The following NCOA1 variants were observed in gnomAD, a reference collection of about 807,000 sequenced individuals.
NCOA1 encodes nuclear receptor coactivator 1, also known as Hin-2 protein.
Under a neutral mutation model 150.9 loss-of-function variants are expected in NCOA1, and 35 were observed. That is an observed-to-expected ratio of 0.23 (90% CI 0.18 to 0.31). The LOEUF (loss-of-function observed/expected upper bound fraction) is 0.31, where lower values mean the gene tolerates loss of function less well. NCOA1 is among the 10% of genes least tolerant of loss of function. The pLI, the probability that NCOA1 is intolerant of heterozygous loss-of-function variation, is 1.00. For synonymous variants in NCOA1, 590 were observed against 630.0 expected (o/e 0.94, Z 0.95); for missense variants, 1,491 against 1,749.3 (o/e 0.85, Z 2.63).
chr2:24,634,694 T>C (rs2148440097), intron 3 of NCOA1, among the ~76,000 whole-genome samples: 1 of 140,312 alleles, frequency 7.1e-6, no homozygotes. Flanking sequence ...CTACCCTGGA[T>C]TCCTAGGGGA....
intron 14 of NCOA1, among the ~76,000 whole-genome samples, chr2:24,714,719 A>G (rs1039923301): frequency 2.0e-5 from 3 of 152,118 alleles, no homozygotes; most frequent in Non-Finnish European, 4.4e-5. Flanking sequence ...GCAGTCTAGT[A>G]TACACATAAT....
At chr2:24,551,262 A>G (rs1191130276) in intron 1 of NCOA1, among the ~76,000 whole-genome samples, 1 of 152,182 alleles carries the variant, frequency 6.6e-6, no homozygotes, top group Non-Finnish European at 1.5e-5. Context: ...GCTTGTTAAG[A>G]GTTGTCATTT....
intron 1 of NCOA1, among the ~76,000 whole-genome samples, chr2:24,534,537 A>C (rs1235248879): frequency 6.6e-6 from 1 of 151,474 alleles, no homozygotes; most frequent in Non-Finnish European, 1.5e-5. Flanking sequence ...TTTAATTGTA[A>C]TGTTAGGGTG....
rs142949246 is a variant in NCOA1 at position 24,719,963 on chromosome 2, A to G, written c.2600-6626A>G. On this transcript the variant is annotated intron_variant, in intron 14 of 22. Transcript: ENST00000348332. ...AGAGGAGGTTCGAACAAAGTGCACA[A>G]TTTGACTTAGCAGTGAGCAATATTT... 4.8e-3 allele frequency among the ~76,000 whole-genome samples: 732 copies of G among 152,334 alleles called. 13 individuals carry two copies. The highest frequency in any genetic ancestry group is 4.0e-3 in the Admixed American group (62 of 15,312).
At chr2:24,741,590 A>G (rs56186499) in intron 18 of NCOA1, among the ~76,000 whole-genome samples, 194 bp from the exon 19 acceptor site, 38,974 of 152,132 alleles carry the variant, frequency 0.26, 5,035 homozygotes, top group Non-Finnish European at 0.27. Context: ...TCTGTAAAAT[A>G]TACTTAATTC....
At chr2:24,523,233 C>G (rs1304947179) in intron 1 of NCOA1, among the ~76,000 whole-genome samples, 1 of 152,250 alleles carries the variant, frequency 6.6e-6, no homozygotes, top group South Asian at 2.1e-4. Context: ...AATAATCATA[C>G]CTATTTTTAA....
intron 1 of NCOA1, among the ~76,000 whole-genome samples, chr2:24,501,427 A>G (rs181512952): frequency 6.6e-6 from 1 of 152,358 alleles, no homozygotes; most frequent in African/African-American, 2.4e-5. Flanking sequence ...AGTGAGTGGT[A>G]TTAATATAAT....
At chr2:24,641,614 T>C (rs1280158067) in intron 3 of NCOA1, among the ~76,000 whole-genome samples, 1 of 152,182 alleles carries the variant, frequency 6.6e-6, no homozygotes, top group African/African-American at 2.4e-5. Context: ...ATATTTTTGC[T>C]GGATGTAGAA....
At chr2:24,625,904 T>C (rs371826833) in intron 3 of NCOA1, among the ~76,000 whole-genome samples, 19 of 152,214 alleles carry the variant, frequency 1.2e-4, no homozygotes, top group African/African-American at 4.3e-4. Context: ...TCCTTTTAAA[T>C]TTATTTCGAC....
chr2:24,758,828 AC>A (rs202242698), intron 21 of NCOA1, among the ~76,000 whole-genome samples: 173 of 149,828 alleles, frequency 1.2e-3, no homozygotes, highest in Non-Finnish European at 1.4e-3. Flanking sequence ...TAAAAAAAAA[AC>A]AAACAAAAAT....
chr2:24,572,986 A>G (rs1284063922), intron 2 of NCOA1, among the ~76,000 whole-genome samples: 1 of 152,176 alleles, frequency 6.6e-6, no homozygotes, highest in East Asian at 1.9e-4. Flanking sequence ...CATGAAATGA[A>G]ATGCTTTCCA....
At chr2:24,554,332 A>G (rs755133355) in intron 1 of NCOA1, 8 of 152,138 alleles carry the variant, frequency 5.3e-5, no homozygotes, top group Non-Finnish European at 8.8e-5. Flanking sequence ...CTTTAGTAGT[A>G]TCCCTGATTT....
chr2:24,702,481 C>T (rs959390097), intron 11 of NCOA1, among the ~76,000 whole-genome samples: 3 of 152,076 alleles, frequency 2.0e-5, no homozygotes, highest in Admixed American at 1.3e-4. Flanking sequence ...TATCTCAGCA[C>T]CAAATTGGGA....
chr2:24,706,428 T>G (rs1355655891), intron 12 of NCOA1, 140 bp from the exon 13 acceptor site: 4 of 936,502 alleles, frequency 4.3e-6, no homozygotes, highest in Non-Finnish European at 5.8e-6. Context: ...TTTTCTTAAT[T>G]TAAGATGGTA....
At chr2:24,525,922 T>C (rs1664634833) in intron 1 of NCOA1, among the ~76,000 whole-genome samples, 1 of 152,156 alleles carries the variant, frequency 6.6e-6, no homozygotes, top group Non-Finnish European at 1.5e-5. Flanking sequence ...CTAGTTCTGC[T>C]CTCTGAAATT....
At chr2:24,742,224 C>T in intron 19 of NCOA1, 38 bp downstream of exon 19, 1 of 1,567,846 alleles carries the variant, frequency 6.4e-7, no homozygotes. Context: ...CTAAGTAATC[C>T]ATACAGGCTT....
chr2:24,567,528 C>T (rs914489357), intron 2 of NCOA1, among the ~76,000 whole-genome samples: 3 of 152,160 alleles, frequency 2.0e-5, no homozygotes, highest in Non-Finnish European at 4.4e-5. Context: ...AGACTAGATA[C>T]ACCCATCTGA....
chr2:24,624,613 C>G (rs146474956), intron 3 of NCOA1, among the ~76,000 whole-genome samples: 328 of 152,234 alleles, frequency 2.2e-3, no homozygotes, highest in African/African-American at 7.6e-3. Context: ...TAACTCTGGT[C>G]CATTTACTTG....
At chr2:24,500,310 G>T (rs1269530742) in intron 1 of NCOA1, among the ~76,000 whole-genome samples, 3 of 152,054 alleles carry the variant, frequency 2.0e-5, no homozygotes, top group Non-Finnish European at 1.5e-5. Flanking sequence ...GTTTCTCCAT[G>T]TTGGTCAAGC....
Sources: allele counts gnomAD v4.1 joint callset (sites outside exome capture counted in the v4.1 genomes callset), GRCh38; gene constraint gnomAD v4.1.1; transcripts MANE v1.5; gene names NCBI Gene and HGNC (gene_info 2026-07-23, HGNC 2026-07-21).